ACYP2: variants seen among roughly 807,000 people sequenced by gnomAD.
ACYP2 encodes acylphosphatase-2.
In ACYP2, 12 loss-of-function variants were observed where a neutral mutation model predicts 11.2. That is an observed-to-expected ratio of 1.08 (90% CI 0.69 to 1.74). The LOEUF is 1.74. Ranked by LOEUF, ACYP2 falls within the 40% of genes most tolerant of loss-of-function variation. The pLI is 0.00. For missense variants in ACYP2, 134 were observed against 101.9 expected (o/e 1.31, Z -1.35); for synonymous variants, 43 against 32.2 (o/e 1.33, Z -1.13).
Position 54,144,587 on chromosome 2 carries a change from T to C in ACYP2, c.404+5839T>C, listed in dbSNP as rs866687749. Among the ~76,000 whole-genome samples the C allele has an allele frequency of 9.3e-5, 14 of 150,334 alleles. 1 individual carries two copies. Among genetic ancestry groups the C allele is most frequent in the South Asian group, 8.4e-4 (4 of 4,788 alleles). ...TACTTGGGAGGCTGAAGCAGGAGAA[T>C]CGCTTGAACCCAGGAGCCAGAGGTT... On this transcript the variant is annotated intron_variant, in intron 6 of 6. Transcript: ENST00000607452.
At chr2:54,297,836 G>T (rs1289863897) in intron 6 of ACYP2, among the ~76,000 whole-genome samples, 1 of 152,146 alleles carries the variant, frequency 6.6e-6, no homozygotes, top group African/African-American at 2.4e-5. Context: ...GAAACTTAAA[G>T]ACTTGAGCAA....
intron 6 of ACYP2, among the ~76,000 whole-genome samples, chr2:54,233,340 A>G (rs1454336427): frequency 7.1e-6 from 1 of 141,514 alleles, no homozygotes; most frequent in African/African-American, 2.7e-5. Flanking sequence ...AGGGTCTCAC[A>G]CTGTGGCCCA....
At chr2:54,232,440 C>G (rs1172941727) in intron 6 of ACYP2, among the ~76,000 whole-genome samples, 2 of 152,076 alleles carry the variant, frequency 1.3e-5, no homozygotes, top group Non-Finnish European at 2.9e-5. Flanking sequence ...AATCAACGGA[C>G]AAGAGGAATG....
chr2:54,125,429 G>GA (rs112336891), intron 4 of ACYP2, among the ~76,000 whole-genome samples: 2,187 of 152,088 alleles, frequency 0.014, 63 homozygotes, highest in African/African-American at 0.05. Context: ...ATATAATCTG[G>GA]AAAAAATCAT....
chr2:54,171,385 C>T (rs1353045154), intron 6 of ACYP2, among the ~76,000 whole-genome samples: 2 of 152,152 alleles, frequency 1.3e-5, no homozygotes, highest in African/African-American at 4.8e-5. Context: ...CCACTAAGAG[C>T]CCTAGTTCCT....
intron 2 of ACYP2, among the ~76,000 whole-genome samples, chr2:54,040,966 G>A (rs1324167099): frequency 6.6e-6 from 1 of 152,214 alleles, no homozygotes; most frequent in Non-Finnish European, 1.5e-5. Context: ...CAGGGGAAAG[G>A]GATGAGCTGA....
At position 54,211,645 on chromosome 2, in the gene ACYP2, T is replaced by C. The variant is rs892480584; in HGVS notation, c.404+72897T>C. On this transcript the variant is annotated intron_variant, in intron 6 of 6. Coordinates refer to ENST00000607452, the MANE Select transcript of ACYP2 (RefSeq NM_001320586.2). The stretch of plus-strand genomic sequence containing the variant: ...TTTGGAAACTATGATGTTCAAATCT[T>C]CATGTATTACTGGTTATATTTAATT... Among the ~76,000 whole-genome samples, 50 of 152,240 alleles carry C rather than the reference T, an allele frequency of 3.3e-4. 3 individuals are homozygous for C. Among genetic ancestry groups the C allele is most frequent in the Non-Finnish European group, 4.4e-5 (3 of 68,040 alleles).
intron 4 of ACYP2, among the ~76,000 whole-genome samples, chr2:54,099,867 A>G (rs55820614): frequency 0.041 from 6,205 of 152,242 alleles, 178 homozygotes; most frequent in Admixed American, 0.068. Flanking sequence ...AGAAACCTAC[A>G]TACAGTTTTC....
rs181742977 is a variant in ACYP2, at chr2:54,071,577, C to T, written c.277+14217C>T. ...ACTTCCCAGGCTTAGGTAATTCTGC[C>T]ACCTCGGCCTTCTGAGTAGCTGAGA... On this transcript the variant is annotated intron_variant, in intron 4 of 6. Coordinates refer to ENST00000607452, the MANE Select transcript of ACYP2 (RefSeq NM_001320586.2). Among the ~76,000 whole-genome samples the T allele has an allele frequency of 5.3e-5, 8 of 152,152 alleles. 1 individual carries two copies. Among genetic ancestry groups the T allele is most frequent in the Non-Finnish European group, 8.8e-5 (6 of 68,006 alleles).
intron 2 of ACYP2, among the ~76,000 whole-genome samples, chr2:54,034,629 T>C (rs372754348): frequency 1.1e-4 from 16 of 152,288 alleles, no homozygotes; most frequent in African/African-American, 3.8e-4. Context: ...TCAGAACATA[T>C]TCTCAATGTT....
At chr2:54,189,830 G>A (rs1348831122) in intron 6 of ACYP2, among the ~76,000 whole-genome samples, 2 of 152,128 alleles carry the variant, frequency 1.3e-5, no homozygotes, top group East Asian at 3.9e-4. Context: ...CACCAACAGT[G>A]TACAAGGGTT....
chr2:54,176,990 A>T (rs950819457), intron 6 of ACYP2, among the ~76,000 whole-genome samples: 1 of 152,178 alleles, frequency 6.6e-6, no homozygotes, highest in Non-Finnish European at 1.5e-5. Context: ...GCACTTCACA[A>T]CAAACCCGCA....
chr2:54,015,138 G>A (rs558982877), intron 2 of ACYP2, among the ~76,000 whole-genome samples: 3 of 151,380 alleles, frequency 2.0e-5, no homozygotes, highest in South Asian at 2.1e-4. Context: ...AGGCTGAGGC[G>A]GGCAGATCAC....
At chr2:53,990,946 G>A (rs148641379) in intron 2 of ACYP2, among the ~76,000 whole-genome samples, 2,552 of 151,898 alleles carry the variant, frequency 0.017, 27 homozygotes, top group Middle Eastern at 0.034. Context: ...ACAGGTGCCC[G>A]CCACCACGCC....
intron 2 of ACYP2, among the ~76,000 whole-genome samples, chr2:53,985,830 G>C (rs953628801): frequency 6.6e-6 from 1 of 152,072 alleles, no homozygotes; most frequent in Non-Finnish European, 1.5e-5. Context: ...ACCTGAAAGC[G>C]AGCTGTTTAA....
intron 6 of ACYP2, among the ~76,000 whole-genome samples, chr2:54,275,332 G>A (rs999483002): frequency 2.6e-5 from 4 of 152,200 alleles, no homozygotes; most frequent in African/African-American, 9.7e-5. Context: ...CTCGTTATCT[G>A]TCCTGTATCT....
intron 2 of ACYP2, among the ~76,000 whole-genome samples, chr2:54,009,010 G>A (rs778867609): frequency 2.0e-4 from 31 of 151,268 alleles, no homozygotes; most frequent in Non-Finnish European, 4.0e-4. Context: ...AAAATTAGCC[G>A]GGAGTGGTGG....
chr2:54,010,698 C>T (rs1673312536), intron 2 of ACYP2, among the ~76,000 whole-genome samples: 1 of 148,430 alleles, frequency 6.7e-6, no homozygotes, highest in South Asian at 2.1e-4. Context: ...ATTATAATCT[C>T]TCTCCTTCCT....
At chr2:54,115,411 G>A (rs1572785857) in intron 4 of ACYP2, 1 of 649,612 alleles carries the variant, frequency 1.5e-6, no homozygotes, top group East Asian at 3.2e-5. Flanking sequence ...CAATTAAATG[G>A]TAGGGAGCGC....
Sources: gnomAD v4.1 joint callset for allele counts (sites outside exome capture counted in the v4.1 genomes callset) on GRCh38, gnomAD v4.1.1 for gene constraint, MANE v1.5 for transcripts, NCBI Gene and HGNC (gene_info 2026-07-23, HGNC 2026-07-21) for gene names.